The following PHF20L1 variants were observed in gnomAD, a reference collection of about 807,000 sequenced individuals.
PHF20L1 encodes the protein PHD finger protein 20-like protein 1.
PHF20L1 carries 44 observed loss-of-function variants against 125.5 expected under a neutral mutation model. The ratio of observed to expected loss-of-function variants is 0.35; its 90% confidence interval spans 0.28 to 0.45. PHF20L1 has a LOEUF of 0.45. Ranked by LOEUF, PHF20L1 falls within the 20% of genes least tolerant of loss-of-function variation. PHF20L1 has a pLI of 1.00. For synonymous variants in PHF20L1, 380 were observed against 403.1 expected, an observed-to-expected ratio of 0.94 and a Z score of 0.69; for missense variants, 1,012 against 1,217.2, an observed-to-expected ratio of 0.83 and a Z score of 2.51.
rs72725195 is a variant in PHF20L1, at chr8:132,838,036, G to A, written c.2191+225G>A. 9.0e-3 allele frequency: 3,712 copies of A among 411,336 alleles called. 36 individuals carry two copies. Among genetic ancestry groups the A allele is most frequent in the Non-Finnish European group, 0.014 (2,986 of 217,742 alleles). 25.5% of individuals were successfully genotyped at this position (411,336 alleles called of 1,614,324 possible). ...AGTACAATTCATTTCATTATTCAGTGTGCCAGTTTCCAAGAACCTATTGAT... is the reference window on the plus strand; with the variant it reads ...AGTACAATTCATTTCATTATTCAGTATGCCAGTTTCCAAGAACCTATTGAT... On this transcript the variant is annotated intron_variant, in intron 17 of 20. Transcript: ENST00000395386.
intron 2 of PHF20L1, among the ~76,000 whole-genome samples, chr8:132,784,102 A>G (rs1399549542): frequency 6.6e-6 from 1 of 152,196 alleles, no homozygotes; most frequent in Non-Finnish European, 1.5e-5. Flanking sequence ...AATATAAGAA[A>G]GCTTCCCTCT....
At chr8:132,836,742 C>T (rs1350762584) in intron 16 of PHF20L1, 21 bp downstream of exon 16, 63 of 1,571,312 alleles carry the variant, frequency 4.0e-5, no homozygotes, top group Non-Finnish European at 5.3e-5. Context: ...AACCTCTCTT[C>T]CCTATAATGA....
intron 2 of PHF20L1, among the ~76,000 whole-genome samples, chr8:132,791,282 C>T (rs892616803): frequency 6.8e-5 from 8 of 117,948 alleles, no homozygotes; most frequent in East Asian, 2.4e-4. Context: ...TTTTTTAATA[C>T]GGAGTTTCAC....
chr8:132,834,630 G>A (rs998993686), intron 15 of PHF20L1, among the ~76,000 whole-genome samples: 5 of 151,908 alleles, frequency 3.3e-5, no homozygotes, highest in Non-Finnish European at 7.4e-5. Flanking sequence ...CGCTGTGCCC[G>A]GCCCATTTAA....
At position 132,839,690 on chromosome 8, in the gene PHF20L1, A is replaced by G. The variant is rs1157355979; in HGVS notation, c.2387+108A>G. 2.5e-5 allele frequency: 18 copies of G among 714,236 alleles called. No homozygotes were observed. In the East Asian group the frequency reaches 4.5e-4, roughly 18 times the overall value. The allele number at this position is 714,236 out of a possible 1,614,324, so 44.2% of individuals were successfully genotyped here. A position where few individuals can be genotyped will look rare whatever the true frequency, so the allele number is the denominator to read the frequency against. ...AGAGTAACAGTTTGGAGGAGAGAAC[A>G]GGTATTTGAATAAAGTTTCATTTTT... On this transcript the variant is annotated intron_variant, in intron 18 of 20. Transcript: ENST00000395386.
At chr8:132,842,999 T>TA (rs1838084265) in intron 19 of PHF20L1, 124 bp downstream of exon 19, 2 of 1,425,276 alleles carry the variant, frequency 1.4e-6, no homozygotes, top group East Asian at 4.9e-5. Context: ...AGTACCTTGT[T>TA]AAAGTAAGGA....
At chr8:132,787,300 G>A (rs1831161801) in intron 2 of PHF20L1, among the ~76,000 whole-genome samples, 1 of 152,004 alleles carries the variant, frequency 6.6e-6, no homozygotes, top group Non-Finnish European at 1.5e-5. Flanking sequence ...CTTAAATACA[G>A]TGATCTGAAG....
intron 8 of PHF20L1, among the ~76,000 whole-genome samples, chr8:132,805,358 T>G (rs1833561699): frequency 1.3e-5 from 2 of 151,942 alleles, no homozygotes; most frequent in South Asian, 4.1e-4. Flanking sequence ...CACTGAAAAT[T>G]CTAGCCTGGT....
intron 8 of PHF20L1, chr8:132,808,822 T>C (rs1032352234): frequency 2.6e-5 from 4 of 151,200 alleles, no homozygotes; most frequent in African/African-American, 9.7e-5. Context: ...TTTGCTTTTT[T>C]TTTTTTTTTT....
chr8:132,843,337 T>C (rs1254638638), intron 19 of PHF20L1: 5 of 981,190 alleles, frequency 5.1e-6, no homozygotes, highest in Non-Finnish European at 3.6e-6. Flanking sequence ...CTGACAGATC[T>C]ATGTGCATTG....
intron 18 of PHF20L1, among the ~76,000 whole-genome samples, chr8:132,840,946 A>C (rs1031234816): frequency 2.6e-5 from 4 of 152,008 alleles, no homozygotes; most frequent in Non-Finnish European, 5.9e-5. Flanking sequence ...TGTTGAATAA[A>C]ATTTGCTTCA....
intron 8 of PHF20L1, chr8:132,807,679 T>C (rs1295834219): frequency 4.4e-6 from 2 of 452,824 alleles, no homozygotes; most frequent in Non-Finnish European, 8.9e-6. Context: ...CCCTTTCCCA[T>C]TCCAGGGAGC....
At chr8:132,804,582 T>C in intron 7 of PHF20L1, 33 bp from the exon 8 acceptor site, 2 of 1,544,130 alleles carry the variant, frequency 1.3e-6, no homozygotes. Flanking sequence ...GGATTCTAGA[T>C]AAACTCTCAT....
chr8:132,807,565 A>C, intron 8 of PHF20L1: 1 of 358,126 alleles, frequency 2.8e-6, no homozygotes, highest in East Asian at 7.6e-5. Context: ...ATTGATAATA[A>C]TATCAAGAAT....
chr8:132,845,749 T>C (rs1359814641), intron 20 of PHF20L1, 32 bp from the exon 21 acceptor site: 9 of 1,517,426 alleles, frequency 5.9e-6, no homozygotes, highest in Non-Finnish European at 7.3e-6. Context: ...CCAGTTGCAG[T>C]TTAAATTTGT....
intron 2 of PHF20L1, among the ~76,000 whole-genome samples, chr8:132,781,722 C>T (rs1422229107): frequency 2.6e-5 from 4 of 152,180 alleles, no homozygotes; most frequent in African/African-American, 4.8e-5. Flanking sequence ...TGAGCCACTG[C>T]GCCAGGCCTA....
In PHF20L1 at chr8:132,794,261, A is replaced by T. The variant is rs150804769; in HGVS notation, c.84-149A>T. On this transcript the variant is annotated intron_variant, in intron 2 of 20. Transcript: ENST00000395386. ...ATCATTTATAAAGACAATAAAGCAG[A>T]GTTTTTTGGTTAGTTTTAAAATATG... 733 of 545,876 alleles carry T rather than the reference A, an allele frequency of 1.3e-3. 14 individuals are homozygous for T. In the East Asian group the frequency reaches 0.019, roughly 14 times the overall value. 33.8% of individuals were successfully genotyped at this position (545,876 alleles called of 1,614,324 possible).
At chr8:132,805,238 G>T (rs1317512061) in intron 8 of PHF20L1, among the ~76,000 whole-genome samples, 6 of 151,426 alleles carry the variant, frequency 4.0e-5, no homozygotes, top group African/African-American at 1.5e-4. Context: ...AGTTTTTTTT[G>T]TTTTTTAATT....
At chr8:132,800,144 A>T (rs994331844) in intron 6 of PHF20L1, among the ~76,000 whole-genome samples, 1 of 151,148 alleles carries the variant, frequency 6.6e-6, no homozygotes, top group Admixed American at 6.6e-5. Context: ...TTGTTTTTTC[A>T]AAGTGGGACA....
Sources: gnomAD v4.1 joint callset for allele counts (sites outside exome capture counted in the v4.1 genomes callset) on GRCh38, gnomAD v4.1.1 for gene constraint, MANE v1.5 for transcripts, NCBI Gene and HGNC (gene_info 2026-07-23, HGNC 2026-07-21) for gene names.